Variants in NOS1AP observed in about 807,000 individuals in gnomAD.
NOS1AP encodes carboxyl-terminal PDZ ligand of neuronal nitric oxide synthase protein.
A neutral mutation model predicts 56.2 loss-of-function variants in NOS1AP; 21 were observed. That is an observed-to-expected ratio of 0.37 (90% CI 0.26 to 0.54). The LOEUF (loss-of-function observed/expected upper bound fraction) is 0.54, where lower values mean the gene tolerates loss of function less well. NOS1AP is among the 20% of genes least tolerant of loss of function. NOS1AP has a pLI of 0.84. For synonymous variants in NOS1AP, 270 were observed against 274.6 expected, an observed-to-expected ratio of 0.98 and a Z score of 0.17; for missense variants, 522 against 657.8, an observed-to-expected ratio of 0.79 and a Z score of 2.26.
At chr1:162,359,718 G>A (rs1467656927) in intron 8 of NOS1AP, among the ~76,000 whole-genome samples, 2 of 139,680 alleles carry the variant, frequency 1.4e-5, no homozygotes, top group Non-Finnish European at 1.5e-5. Flanking sequence ...GTTTCTCTAC[G>A]CGGGGGGGGG....
chr1:162,267,027 A>C (rs191122338), intron 2 of NOS1AP, among the ~76,000 whole-genome samples: 1 of 152,272 alleles, frequency 6.6e-6, no homozygotes, highest in Non-Finnish European at 1.5e-5. Context: ...GTTCATGTGG[A>C]TCTTGTCTGA....
intron 1 of NOS1AP, among the ~76,000 whole-genome samples, chr1:162,152,357 T>C (rs1197183633): frequency 6.6e-6 from 1 of 152,172 alleles, no homozygotes; most frequent in Non-Finnish European, 1.5e-5. Flanking sequence ...TGTTCCTGAC[T>C]GCACAGCATT....
intron 5 of NOS1AP, among the ~76,000 whole-genome samples, chr1:162,334,486 A>G (rs347313): frequency 0.45 from 68,464 of 152,062 alleles, 16,457 homozygotes; most frequent in Middle Eastern, 0.58. Flanking sequence ...GAGTTTGGGA[A>G]AGTGAAAGGC....
intron 6 of NOS1AP, among the ~76,000 whole-genome samples, chr1:162,350,748 T>G (rs1016577295): frequency 5.3e-5 from 8 of 152,258 alleles, no homozygotes; most frequent in Admixed American, 5.2e-4. Flanking sequence ...TGTCGTACAT[T>G]AGAGTTCTGG....
intron 1 of NOS1AP, among the ~76,000 whole-genome samples, chr1:162,147,206 G>C: frequency 6.6e-6 from 1 of 151,828 alleles, no homozygotes; most frequent in Admixed American, 6.6e-5. Context: ...GTGGGCGCCT[G>C]GAGTCCCAGC....
intron 2 of NOS1AP, among the ~76,000 whole-genome samples, chr1:162,178,223 A>C (rs1479560499): frequency 1.3e-5 from 2 of 152,132 alleles, no homozygotes; most frequent in Non-Finnish European, 2.9e-5. Flanking sequence ...GTCTGGATAC[A>C]CCACAGTTGA....
At chr1:162,278,645 G>A (rs1025750259) in intron 2 of NOS1AP, among the ~76,000 whole-genome samples, 1 of 149,838 alleles carries the variant, frequency 6.7e-6, no homozygotes, top group African/African-American at 2.5e-5. Context: ...TAAATACTAG[G>A]AAACGTTTAC....
At chr1:162,337,854 A>G (rs968899294) in intron 5 of NOS1AP, among the ~76,000 whole-genome samples, 80 of 152,340 alleles carry the variant, frequency 5.3e-4, no homozygotes, top group Non-Finnish European at 8.1e-4. Context: ...CAAAGCCACA[A>G]AATAATGTGT....
chr1:162,116,959 T>C (rs1647985226), intron 1 of NOS1AP, among the ~76,000 whole-genome samples: 1 of 152,210 alleles, frequency 6.6e-6, no homozygotes, highest in South Asian at 2.1e-4. Context: ...TTTCATCTGT[T>C]TTGGAACAGG....
At chr1:162,282,893 C>T (rs770189672) in intron 2 of NOS1AP, among the ~76,000 whole-genome samples, 47 of 152,262 alleles carry the variant, frequency 3.1e-4, no homozygotes, top group Non-Finnish European at 4.4e-4. Context: ...ATAAGCAGGT[C>T]TTGGCTGACA....
At chr1:162,365,357 T>G in intron 8 of NOS1AP, 47 bp from the exon 9 acceptor site, 1 of 1,613,146 alleles carries the variant, frequency 6.2e-7, no homozygotes, top group South Asian at 1.1e-5. Flanking sequence ...TTCATGTCCC[T>G]CTCTTCTCTC....
At chr1:162,102,289 G>GA (rs754948250) in intron 1 of NOS1AP, among the ~76,000 whole-genome samples, 2 of 152,218 alleles carry the variant, frequency 1.3e-5, no homozygotes, top group Non-Finnish European at 2.9e-5. Context: ...GCATCCCAGG[G>GA]AGGAAGCCAG....
chr1:162,353,727 T>G (rs1004975486), intron 6 of NOS1AP, among the ~76,000 whole-genome samples: 1 of 152,194 alleles, frequency 6.6e-6, no homozygotes, highest in Non-Finnish European at 1.5e-5. Context: ...TGATCACTGA[T>G]AGAAATTTCA....
At chr1:162,248,064 C>A (rs150277609) in intron 2 of NOS1AP, among the ~76,000 whole-genome samples, 207 of 152,190 alleles carry the variant, frequency 1.4e-3, no homozygotes, top group African/African-American at 4.7e-3. Flanking sequence ...GGGAGGATCG[C>A]TTGAGGCCGG....
At chr1:162,220,014 T>G (rs1652716186) in intron 2 of NOS1AP, among the ~76,000 whole-genome samples, 1 of 152,206 alleles carries the variant, frequency 6.6e-6, no homozygotes, top group South Asian at 2.1e-4. Flanking sequence ...CACTGCAACC[T>G]CAAACTCCTG....
At chr1:162,137,230 A>G (rs1304321461) in intron 1 of NOS1AP, among the ~76,000 whole-genome samples, 1 of 152,058 alleles carries the variant, frequency 6.6e-6, no homozygotes, top group Non-Finnish European at 1.5e-5. Context: ...TTTTCTTTCC[A>G]TCTATCTCTT....
intron 2 of NOS1AP, among the ~76,000 whole-genome samples, chr1:162,167,501 T>C (rs1224581569): frequency 6.6e-6 from 1 of 152,158 alleles, no homozygotes; most frequent in African/African-American, 2.4e-5. Flanking sequence ...CCGGTTTGAC[T>C]CCTTGCTTGG....
chr1:162,081,774 A>ATATATATTTTTTTT, intron 1 of NOS1AP, among the ~76,000 whole-genome samples: 7 of 44,058 alleles, frequency 1.6e-4, no homozygotes, highest in Admixed American at 3.2e-4. Context: ...ATATATATAT[A>ATATATATTTTTTTT]TTTTTTTTTT....
At chr1:162,219,062 C>T (rs1652677636) in intron 2 of NOS1AP, among the ~76,000 whole-genome samples, 1 of 152,122 alleles carries the variant, frequency 6.6e-6, no homozygotes, top group Non-Finnish European at 1.5e-5. Context: ...CTTCTAGTGG[C>T]TAATAGCTTC....
Sources: gnomAD v4.1 joint callset for allele counts (sites outside exome capture counted in the v4.1 genomes callset) on GRCh38, gnomAD v4.1.1 for gene constraint, MANE v1.5 for transcripts, NCBI Gene and HGNC (gene_info 2026-07-23, HGNC 2026-07-21) for gene names.